Variants in NDUFV3 observed in about 807,000 individuals in gnomAD.
The protein encoded by NDUFV3 is NADH dehydrogenase [ubiquinone] flavoprotein 3, mitochondrial.
NDUFV3 carries 44 observed loss-of-function variants against 37.5 expected under a neutral mutation model. The ratio of observed to expected loss-of-function variants is 1.17; its 90% CI spans 0.92 to 1.51. The LOEUF (loss-of-function observed/expected upper bound fraction) is 1.51. NDUFV3 is among the 40% of genes most tolerant of loss of function. The pLI is 0.00. For missense variants in NDUFV3, 580 were observed against 580.4 expected (o/e 1.00, Z 0.01); for synonymous variants, 235 against 239.3 (o/e 0.98, Z 0.17).
At chr21:42,901,951 G>A (rs1411465156) in intron 2 of NDUFV3, among the ~76,000 whole-genome samples, 1 of 152,252 alleles carries the variant, frequency 6.6e-6, no homozygotes, top group Non-Finnish European at 1.5e-5. Flanking sequence ...GCTCACGCCT[G>A]TAATCCCAGC....
intron 3 of NDUFV3, chr21:42,906,826 G>T (rs185115658): frequency 1.9e-6 from 1 of 517,086 alleles, no homozygotes; most frequent in East Asian, 5.4e-5. Context: ...AAAATAGTAC[G>T]TTCTGCTTTG....
intron 3 of NDUFV3, among the ~76,000 whole-genome samples, chr21:42,907,980 A>G (rs952948349): frequency 6.6e-6 from 1 of 152,086 alleles, no homozygotes; most frequent in Non-Finnish European, 1.5e-5. Flanking sequence ...CAAACTTTTG[A>G]GAAGCCTAGA....
chr21:42,906,863 T>TA (rs772701059), intron 3 of NDUFV3: 2 of 518,968 alleles, frequency 3.9e-6, no homozygotes, highest in Non-Finnish European at 7.7e-6. Context: ...ACACCGAAGA[T>TA]ACTCACCTTG....
rs180809366 is a variant in NDUFV3, at chr21:42,898,876, C to T, written c.169+1829C>T. Reference sequence around the variant, plus strand: ...TTTGGTGAATTTTAGTCTGTGTCTGCAATCCTACATCATAGACTTATGAAT... The same window carrying T: ...TTTGGTGAATTTTAGTCTGTGTCTGTAATCCTACATCATAGACTTATGAAT... On this transcript the variant is annotated intron_variant, in intron 2 of 3. Transcript: ENST00000354250. Among the ~76,000 whole-genome samples, 3 of 152,312 alleles carry T rather than the reference C, an allele frequency of 2.0e-5. No homozygotes were observed. The East Asian group carries it at 5.8e-4, about 29-fold the overall frequency.
intron 2 of NDUFV3, among the ~76,000 whole-genome samples, chr21:42,898,441 C>G (rs539799619): frequency 6.6e-6 from 1 of 152,234 alleles, no homozygotes; most frequent in East Asian, 1.9e-4. Context: ...TACCACCACT[C>G]CTGGCATATC....
chr21:42,907,712 A>G (rs112529436), intron 3 of NDUFV3, among the ~76,000 whole-genome samples: 8,560 of 152,018 alleles, frequency 0.056, 349 homozygotes, highest in Non-Finnish European at 0.088. Context: ...CAGCCTCTCA[A>G]AGTGCTAGGA....
At chr21:42,906,559 G>A (rs935638186) in intron 3 of NDUFV3, among the ~76,000 whole-genome samples, 2 of 152,174 alleles carry the variant, frequency 1.3e-5, no homozygotes, top group South Asian at 2.1e-4. Context: ...AACACAACTC[G>A]CAGGATAAAA....
At chr21:42,895,477 A>G (rs2058686403) in intron 1 of NDUFV3, among the ~76,000 whole-genome samples, 1 of 151,926 alleles carries the variant, frequency 6.6e-6, no homozygotes, top group Non-Finnish European at 1.5e-5. Flanking sequence ...GCAAGACTCC[A>G]TCTCAAAAAA....
rs748410226 is a variant in NDUFV3, at chr21:42,904,039, C to T, written c.1027C>T (p.Arg343Cys). 90 of 1,614,158 alleles carry T rather than the reference C, an allele frequency of 5.6e-5. No homozygotes were observed. The highest frequency in any genetic ancestry group is 5.0e-4 in the Middle Eastern group (3 of 6,060). The part of the protein sequence containing the change: ...HLEKPVPEPQ[R>C]KAAPPLPRKE... Reference sequence around the variant, plus strand: ...GGAAAAACCCGTGCCAGAGCCCCAGCGCAAGGCGGCCCCTCCCCTGCCCAG... The same window carrying T: ...GGAAAAACCCGTGCCAGAGCCCCAGTGCAAGGCGGCCCCTCCCCTGCCCAG... Residue 343 changes from arginine (R) to cysteine (C), a missense_variant, in exon 3 of 4, where the codon CGC becomes TGC. By Grantham distance (180) the Arg-to-Cys change is radical. Transcript: ENST00000354250.
Position 42,908,907 on chromosome 21 carries a change from C to G in NDUFV3, c.1308C>G (p.Tyr436Ter). 6.2e-7 allele frequency: 1 copy of G among 1,614,146 alleles called. No homozygotes were observed. The highest frequency in any genetic ancestry group is 1.1e-5 in the South Asian group (1 of 91,076). Residue 436 changes from tyrosine to a stop codon, truncating the protein, a stop_gained, in exon 4 of 4, where the codon TAC becomes TAG. Coordinates refer to ENST00000354250, the MANE Select transcript of NDUFV3 (RefSeq NM_021075.4). LOFTEE classifies it high-confidence loss of function. ...CTGAGCCGTTTGACAACACTACCTACAAGAACCTGCAGCATCATGACTACA... is the reference window on the plus strand; with the variant it reads ...CTGAGCCGTTTGACAACACTACCTAGAAGAACCTGCAGCATCATGACTACA... ...VPAEPFDNTTYKNLQHHDYST... is the reference protein window; with the variant it reads ...VPAEPFDNTT
At chr21:42,906,629 G>C (rs1045143659) in intron 3 of NDUFV3, among the ~76,000 whole-genome samples, 2 of 152,202 alleles carry the variant, frequency 1.3e-5, no homozygotes, top group Admixed American at 1.3e-4. Flanking sequence ...AATATTTCAC[G>C]GGTGTGTTGT....
At chr21:42,898,990 G>A (rs562576352) in intron 2 of NDUFV3, among the ~76,000 whole-genome samples, 8 of 152,328 alleles carry the variant, frequency 5.3e-5, no homozygotes, top group African/African-American at 1.9e-4. Flanking sequence ...GAAACGGAGT[G>A]CTTCATTCTG....
intron 2 of NDUFV3, among the ~76,000 whole-genome samples, chr21:42,900,775 C>G (rs1231083204): frequency 6.6e-6 from 1 of 152,196 alleles, no homozygotes; most frequent in Non-Finnish European, 1.5e-5. Flanking sequence ...TGCCACAGGA[C>G]AAGACCCTGG....
chr21:42,903,924 G>A lies in NDUFV3; in HGVS notation c.912G>A (p.Lys304=). The change falls in exon 3 of 4, where the codon AAG becomes AAA. Residue 304 remains lysine, a synonymous_variant. Transcript: ENST00000354250. ...HTKSGLSAPP[K]GSPAPAVLAE... ...AATCAGGGTTGTCTGCGCCACCGAA[G>A]GGCAGCCCAGCGCCTGCTGTGTTGG... 2 of 1,612,240 alleles carry A rather than the reference G, an allele frequency of 1.2e-6. No homozygotes were observed. The highest frequency in any genetic ancestry group is 1.1e-5 in the South Asian group (1 of 90,966).
intron 3 of NDUFV3, among the ~76,000 whole-genome samples, chr21:42,905,495 TGAAG>T (rs1385485564): frequency 6.6e-6 from 1 of 152,122 alleles, no homozygotes; most frequent in Non-Finnish European, 1.5e-5. Flanking sequence ...AGACATTTTA[TGAAG>T]GGTTTTTTGT....
At position 42,903,285 on chromosome 21, in the gene NDUFV3, TAA is replaced by T; in HGVS notation, c.274_275del (p.Lys92GlyfsTer6). On this transcript the variant is annotated frameshift_variant, in exon 3 of 4. Coordinates refer to ENST00000354250, the MANE Select transcript of NDUFV3 (RefSeq NM_021075.4). LOFTEE classifies it high-confidence loss of function. ...SPSSYPPAVN[K>X]GRKVASPSPS... Reference sequence around the variant, plus strand: ...CCAGTTCTTACCCGCCAGCTGTGAATAAGGGCAGGAAGGTAGCTAGTCCCAGT... The same window carrying T: ...CCAGTTCTTACCCGCCAGCTGTGAATGGGCAGGAAGGTAGCTAGTCCCAGT... The T allele has an allele frequency of 6.2e-7, 1 of 1,614,142 alleles. No individual in the cohort carries two copies. The highest frequency in any genetic ancestry group is 8.5e-7 in the Non-Finnish European group (1 of 1,180,020).
chr21:42,899,485 G>T (rs1054202358), intron 2 of NDUFV3, among the ~76,000 whole-genome samples: 1 of 151,194 alleles, frequency 6.6e-6, no homozygotes, highest in Non-Finnish European at 1.5e-5. Flanking sequence ...TCACTCTGTC[G>T]CCAGGCTAGA....
At chr21:42,895,061 A>T (rs993357050) in intron 1 of NDUFV3, among the ~76,000 whole-genome samples, 2 of 152,144 alleles carry the variant, frequency 1.3e-5, no homozygotes, top group African/African-American at 4.8e-5. Context: ...AAAACATTTT[A>T]CAGAAAGAAA....
chr21:42,902,136 A>T (rs1287387210), intron 2 of NDUFV3, among the ~76,000 whole-genome samples: 1 of 152,154 alleles, frequency 6.6e-6, no homozygotes, highest in Non-Finnish European at 1.5e-5. Context: ...TGAACCTGGG[A>T]GGCAGAGGTT....
Sources: gnomAD v4.1 joint callset for allele counts (sites outside exome capture counted in the v4.1 genomes callset) on GRCh38, gnomAD v4.1.1 for gene constraint, MANE v1.5 for transcripts, NCBI Gene and HGNC (gene_info 2026-07-23, HGNC 2026-07-21) for gene names.